ARHGEF17: variants seen among roughly 807,000 people sequenced by gnomAD.
ARHGEF17 encodes the protein 164 kDa Rho-specific guanine-nucleotide exchange factor.
Under a neutral mutation model 174.0 loss-of-function variants are expected in ARHGEF17, and 80 were observed. The observed-to-expected ratio is 0.46, with a 90% CI of 0.38 to 0.55. The LOEUF (loss-of-function observed/expected upper bound fraction) is 0.55. ARHGEF17 is among the 20% of genes least tolerant of loss of function. ARHGEF17 has a pLI of 0.00. For synonymous variants in ARHGEF17, 1,311 were observed against 1,189.1 expected, an observed-to-expected ratio of 1.10 and a Z score of -2.11; for missense variants, 2,886 against 2,839.7, an observed-to-expected ratio of 1.02 and a Z score of -0.37.
intron 9 of ARHGEF17, 29 bp downstream of exon 9, chr11:73,357,356 TTGG>T (rs1865662992): frequency 1.3e-6 from 2 of 1,597,886 alleles, no homozygotes; most frequent in South Asian, 2.2e-5. Context: ...GTTCTGGGTG[TTGG>T]GGTCTTCCTC....
At chr11:73,364,711 GC>G in intron 18 of ARHGEF17, 111 bp downstream of exon 18, 1 of 1,392,892 alleles carries the variant, frequency 7.2e-7, no homozygotes, top group Non-Finnish European at 9.5e-7. Context: ...GAGGGCTAGG[GC>G]CTTCCTCTGA....
At chr11:73,335,548 A>T (rs940657511) in intron 1 of ARHGEF17, among the ~76,000 whole-genome samples, 1 of 152,040 alleles carries the variant, frequency 6.6e-6, no homozygotes, top group East Asian at 1.9e-4. Flanking sequence ...GAAGAAAGAA[A>T]GGGAAAAAAC....
intron 1 of ARHGEF17, among the ~76,000 whole-genome samples, chr11:73,329,373 A>ATATATTTT (rs1565193840): frequency 7.6e-5 from 1 of 13,168 alleles, no homozygotes; most frequent in South Asian, 3.2e-3. Flanking sequence ...ATATATATAT[A>ATATATTTT]TTTTTTTTTT....
chr11:73,353,320 G>A (rs1865586836), intron 3 of ARHGEF17: 2 of 426,224 alleles, frequency 4.7e-6, no homozygotes, highest in African/African-American at 2.0e-5. Context: ...CTGACCCCAA[G>A]CTGGTGCGGA....
rs771586387 is a variant in ARHGEF17, at chr11:73,362,419, C to G, written c.4695-14C>G. ...GCTCGTAGCTGCTGTCATCCTCACTCCGTCTTCTCGCAGGGAGCCTCCTCC... is the reference window on the plus strand; with the variant it reads ...GCTCGTAGCTGCTGTCATCCTCACTGCGTCTTCTCGCAGGGAGCCTCCTCC... On this transcript the variant is annotated splice_polypyrimidine_tract_variant and intron_variant, in intron 13 of 20. Coordinates refer to ENST00000263674, the MANE Select transcript of ARHGEF17 (RefSeq NM_014786.4). The G allele has an allele frequency of 3.1e-5, 47 of 1,534,494 alleles. No homozygotes were observed. The highest frequency in any genetic ancestry group is 1.1e-4 in the South Asian group (9 of 81,362).
chr11:73,363,639 A>G, intron 15 of ARHGEF17, 108 bp from the exon 16 acceptor site: 1 of 1,508,580 alleles, frequency 6.6e-7, no homozygotes, highest in African/African-American at 1.4e-5. Context: ...TACCTTGGGC[A>G]GGCACCCAGC....
At chr11:73,348,942 G>A (rs937775567) in intron 2 of ARHGEF17, among the ~76,000 whole-genome samples, 7 of 152,242 alleles carry the variant, frequency 4.6e-5, no homozygotes, top group Admixed American at 6.5e-5. Context: ...GAAAGAGCCC[G>A]GAGGGATGGC....
rs201240209 is a variant in ARHGEF17, at chr11:73,361,109, A to G, written c.4442A>G (p.Asp1481Gly). 6.2e-7 allele frequency: 1 copy of G among 1,614,018 alleles called. No homozygotes were observed. Among genetic ancestry groups the G allele is most frequent in the African/African-American group, 1.3e-5 (1 of 75,010 alleles). ...ACAGCATCCAGCAAAAGCTGTCTAGACCCTGAGTTCCTGAAGGCCATCCCC... is the reference window on the plus strand; with the variant it reads ...ACAGCATCCAGCAAAAGCTGTCTAGGCCCTGAGTTCCTGAAGGCCATCCCC... ...RKLASSKSCLDPEFLKAIPIM... is the reference protein window; with the variant it reads ...RKLASSKSCLGPEFLKAIPIM... Residue 1481 changes from aspartate to glycine, a missense_variant, in exon 12 of 21, where the codon GAC (aspartate) becomes GGC (glycine). Around this residue, in one of 4 missense-constraint regions of ARHGEF17, gnomAD observed 476 missense variants for 473.1 expected, o/e 1.01. Coordinates refer to ENST00000263674, the MANE Select transcript of ARHGEF17 (RefSeq NM_014786.4).
At position 73,308,822 on chromosome 11, in the gene ARHGEF17, G is replaced by A; in HGVS notation, c.184G>A (p.Ala62Thr). ...GQPSRRVSKL[A>T]SGPLAAPAQP... ...GCCCTCTCGGCGCGTGTCCAAGCTG[G>A]CGTCTGGGCCCCTGGCCGCCCCCGC... The change falls in exon 1 of 21, where the codon GCG becomes ACG. Residue 62 changes from alanine (A) to threonine (T), a missense_variant. Ala to Thr is a moderately conservative substitution (Grantham distance 58). Transcript: ENST00000263674. The A allele has an allele frequency of 7.4e-7, 1 of 1,347,228 alleles. No homozygotes were observed. 83.5% of individuals were successfully genotyped at this position (1,347,228 alleles called of 1,614,324 possible).
At chr11:73,321,954 C>CCGCACAG (rs1865023999) in intron 1 of ARHGEF17, among the ~76,000 whole-genome samples, 1 of 152,090 alleles carries the variant, frequency 6.6e-6, no homozygotes, top group Admixed American at 6.5e-5. Flanking sequence ...GGCCCTGCTC[C>CCGCACAG]CGCACAGCGC....
rs1864744234 is a variant in ARHGEF17, at chr11:73,308,898, G to A, written c.260G>A (p.Arg87Gln). ...TCGCCGTCGGTTCGCCAGCTCTCCC[G>A]GCGCTTCGACGCGCCGCGTCTGGAC... ...SLSPSVRQLS[R>Q]RFDAPRLDDG... is the part of the protein sequence containing the mutation. Residue 87 changes from arginine (R) to glutamine (Q), a missense_variant, in exon 1 of 21, where the codon CGG (arginine) becomes CAG (glutamine). Around this residue, in one of 4 missense-constraint regions of ARHGEF17, gnomAD observed 1,728 missense variants for 1,461.2 expected, o/e 1.18. Transcript: ENST00000263674. 4 of 1,360,626 alleles carry A rather than the reference G, an allele frequency of 2.9e-6. No individual in the cohort carries two copies. The highest frequency in any genetic ancestry group is 1.5e-5 in the African/African-American group (1 of 65,188). The allele number at this position is 1,360,626 out of a possible 1,614,324, so 84.3% of individuals were successfully genotyped here. A position where few individuals can be genotyped will look rare whatever the true frequency, so the allele number is the denominator to read the frequency against.
chr11:73,346,638 C>T (rs1334046161), intron 1 of ARHGEF17, among the ~76,000 whole-genome samples: 1 of 152,126 alleles, frequency 6.6e-6, no homozygotes, highest in Non-Finnish European at 1.5e-5. Flanking sequence ...GAGTGAGTGC[C>T]TAACTGTGCA....
At chr11:73,324,107 G>A (rs1053436033) in intron 1 of ARHGEF17, among the ~76,000 whole-genome samples, 1 of 152,130 alleles carries the variant, frequency 6.6e-6, no homozygotes, top group East Asian at 1.9e-4. Flanking sequence ...GTAGGGCAGA[G>A]TCCCCCTCAG....
chr11:73,367,242 G>C (rs561174773), intron 20 of ARHGEF17, among the ~76,000 whole-genome samples: 1 of 152,164 alleles, frequency 6.6e-6, no homozygotes. Context: ...GAAGTAGGAG[G>C]CTTATTTAAT....
chr11:73,309,584 A>G lies in ARHGEF17; in HGVS notation c.946A>G (p.Ser316Gly), dbSNP rs1346157730. 1 of 1,612,498 alleles carries G rather than the reference A, an allele frequency of 6.2e-7. No homozygotes were observed. Among genetic ancestry groups the G allele is most frequent in the African/African-American group, 1.3e-5 (1 of 75,036 alleles). Residue 316 changes from serine (S) to glycine (G), a missense_variant, in exon 1 of 21, where the codon AGC becomes GGC. Coordinates refer to ENST00000263674, the MANE Select transcript of ARHGEF17 (RefSeq NM_014786.4). ...GCCTGACAGTGATGGGTTAAATCTAAGCAGCATGAACTCAGCAGGGGTTTC... is the reference window on the plus strand; with the variant it reads ...GCCTGACAGTGATGGGTTAAATCTAGGCAGCATGAACTCAGCAGGGGTTTC... ...CRPDSDGLNL[S>G]SMNSAGVSGS...
rs150138024 is a variant in ARHGEF17 at position 73,309,737 on chromosome 11, G to A, written c.1099G>A (p.Gly367Arg). The A allele has an allele frequency of 6.2e-6, 10 of 1,612,646 alleles. No individual in the cohort carries two copies. The African/African-American group carries it at 1.1e-4, about 17-fold the overall frequency. ...EGLRPMSDSV[G>R]GAFRVAKVSF... ...ACTTCGGCCTATGTCTGACTCTGTG[G>A]GAGGAGCTTTCCGTGTGGCCAAGGT... Residue 367 changes from glycine (G) to arginine (R), a missense_variant, in exon 1 of 21, where the codon GGA becomes AGA. Transcript: ENST00000263674.
chr11:73,366,548 G>A (rs972292242), intron 20 of ARHGEF17, among the ~76,000 whole-genome samples: 4 of 151,942 alleles, frequency 2.6e-5, no homozygotes, highest in Admixed American at 2.0e-4. Context: ...TGGGCAACAT[G>A]GTGAGACACC....
At chr11:73,317,929 G>T (rs1229112601) in intron 1 of ARHGEF17, among the ~76,000 whole-genome samples, 1 of 152,182 alleles carries the variant, frequency 6.6e-6, no homozygotes, top group Admixed American at 6.5e-5. Flanking sequence ...GGACAGCCTG[G>T]TGTCTGTACT....
Position 73,369,187 on chromosome 11 carries a change from G to A in ARHGEF17, c.*1407G>A, listed in dbSNP as rs1050938842. On this transcript the variant is annotated 3_prime_UTR_variant, in exon 21 of 21. Transcript: ENST00000263674. ...GTCCACACACTTGGGAAGAAGGGAG[G>A]CCTTGGAGACCCAGAAGAGTGCTGG... The A allele has an allele frequency of 1.3e-5, 2 of 152,204 alleles. No homozygotes were observed. The highest frequency in any genetic ancestry group is 2.9e-5 in the Non-Finnish European group (2 of 68,024). 9.4% of individuals were successfully genotyped at this position (152,204 alleles called of 1,614,324 possible).
Sources: allele counts gnomAD v4.1 joint callset (sites outside exome capture counted in the v4.1 genomes callset), GRCh38; gene constraint gnomAD v4.1.1; regional missense constraint gnomAD v4.1.1; transcripts MANE v1.5; gene names NCBI Gene and HGNC (gene_info 2026-07-23, HGNC 2026-07-21).